Variants in ZNF544 observed in about 807,000 individuals in gnomAD.
ZNF544 encodes the protein zinc finger protein 544.
In ZNF544, 10 loss-of-function variants were observed where a neutral mutation model predicts 13.5. That is an observed-to-expected ratio of 0.74 (90% CI 0.46 to 1.25). The LOEUF (loss-of-function observed/expected upper bound fraction) is 1.25. Among genes scored for constraint, ZNF544 ranks in the 50% most tolerant of loss-of-function variants. The pLI, the probability that ZNF544 is intolerant of heterozygous loss-of-function variation, is 0.00. For synonymous variants in ZNF544, 323 were observed against 300.5 expected (o/e 1.07, Z -0.77); for missense variants, 896 against 845.6 (o/e 1.06, Z -0.74).
intron 6 of ZNF544, chr19:58,247,255 CTTTTGTTTTTGT>C (rs112408821): frequency 6.5e-6 from 1 of 152,940 alleles, no homozygotes; most frequent in African/African-American, 2.4e-5. Flanking sequence ...CTGGCTAATT[CTTTTGTTTTTGT>C]TTTTGTTTTT....
intron 5 of ZNF544, among the ~76,000 whole-genome samples, chr19:58,275,332 C>A (rs1400540774): frequency 6.6e-6 from 1 of 152,058 alleles, no homozygotes; most frequent in Non-Finnish European, 1.5e-5. Flanking sequence ...CATCCGGTGA[C>A]CTTCCTGAGC....
chr19:58,253,039 C>T (rs951907866), intron 6 of ZNF544, among the ~76,000 whole-genome samples: 30 of 152,284 alleles, frequency 2.0e-4, no homozygotes, highest in African/African-American at 6.3e-4. Flanking sequence ...AGGATGGGCT[C>T]GATTTCCTGA....
Position 58,261,614 on chromosome 19 carries a change from C to T in ZNF544, c.1008C>T (p.Pro336=). The change falls in exon 7 of 7, where the codon CCC becomes CCT. Residue 336 remains proline (P), a synonymous_variant. Coordinates refer to ENST00000687789, the MANE Select transcript of ZNF544 (RefSeq NM_014480.4). ...FRCEERCAAF[P]MASSFSDCNI... is the part of the protein sequence containing the mutation. ...GTGAGGAACGCTGTGCTGCCTTCCC[C>T]ATGGCCTCATCTTTTTCTGACTGTA... 1 of 1,614,228 alleles carries T rather than the reference C, an allele frequency of 6.2e-7. No homozygotes were observed. Among genetic ancestry groups the T allele is most frequent in the Non-Finnish European group, 8.5e-7 (1 of 1,180,046 alleles).
At chr19:58,256,076 G>C (rs2047272084) in intron 6 of ZNF544, among the ~76,000 whole-genome samples, 1 of 152,204 alleles carries the variant, frequency 6.6e-6, no homozygotes, top group South Asian at 2.1e-4. Context: ...ACTTACAGTT[G>C]CTTGCATGCT....
At chr19:58,231,944 G>A (rs1039149758) in intron 3 of ZNF544, 4 of 151,928 alleles carry the variant, frequency 2.6e-5, no homozygotes, top group Admixed American at 2.0e-4. Flanking sequence ...GGGTTCAAGC[G>A]ATTCTTGTGC....
intron 4 of ZNF544, among the ~76,000 whole-genome samples, chr19:58,245,511 A>T (rs1036230405): frequency 2.6e-5 from 4 of 151,536 alleles, no homozygotes; most frequent in Middle Eastern, 3.5e-3. Context: ...CATGTTGGCC[A>T]GGCTGGTCTC....
Position 58,276,417 on chromosome 19 carries a change from GC to G in ZNF544, c.341del (p.Pro114HisfsTer55). On this transcript the variant is annotated frameshift_variant, in exon 6 of 7. Coordinates refer to the ZNF544 transcript ENST00000595981. LOFTEE classifies it high-confidence loss of function. ...GCCTGATCCAGTTCCCACAGCAGCTGCCACTTGCTCAGGTGAGTGAAGACAT... is the reference window on the plus strand; with the variant it reads ...GCCTGATCCAGTTCCCACAGCAGCTGCACTTGCTCAGGTGAGTGAAGACAT... 2 of 1,231,268 alleles carry G rather than the reference GC, an allele frequency of 1.6e-6. No homozygotes were observed. 76.3% of individuals were successfully genotyped at this position (1,231,268 alleles called of 1,614,324 possible). A position where few individuals can be genotyped will look rare whatever the true frequency, so the allele number is the denominator to read the frequency against.
At chr19:58,242,736 T>C (rs4801574) in intron 3 of ZNF544, among the ~76,000 whole-genome samples, 11,573 of 152,162 alleles carry the variant, frequency 0.076, 921 homozygotes, top group African/African-American at 0.19. Context: ...CTTACCCTGT[T>C]GCCCAGGCTG....
downstream of ZNF544, among the ~76,000 whole-genome samples, chr19:58,264,761 T>G (rs1458034371): frequency 6.6e-6 from 1 of 152,152 alleles, no homozygotes; most frequent in Non-Finnish European, 1.5e-5. Flanking sequence ...CCCAGCACTT[T>G]GGGAGACCGA....
chr19:58,268,733 C>A (rs552270895), downstream of ZNF544, among the ~76,000 whole-genome samples: 1 of 152,230 alleles, frequency 6.6e-6, no homozygotes, highest in Non-Finnish European at 1.5e-5. Flanking sequence ...GAGGAAGTTG[C>A]TTATGCCAGA....
chr19:58,246,966 C>T (rs938330355), intron 6 of ZNF544, 172 bp downstream of exon 6: 35 of 569,634 alleles, frequency 6.1e-5, no homozygotes, highest in Non-Finnish European at 9.0e-5. Context: ...GTATGCAGTT[C>T]ATGGCTTCCA....
rs373433724 is a variant in ZNF544 at position 58,246,309 on chromosome 19, G to C, written c.42G>C (p.Val14=). 6.2e-7 allele frequency: 1 copy of C among 1,613,998 alleles called. No individual in the cohort carries two copies. Among genetic ancestry groups the C allele is most frequent in the African/African-American group, 1.3e-5 (1 of 74,928 alleles). The part of the protein sequence containing the change: ...RSMLVPPQAS[V]CFEDVAMAFT... The stretch of plus-strand genomic sequence containing the variant: ...CAAGTGCCCTGTTTCAGGCATCTGT[G>C]TGCTTCGAGGATGTGGCTATGGCAT... The change falls in exon 5 of 7, where the codon GTG becomes GTC. Residue 14 remains valine (V), a synonymous_variant. Transcript: ENST00000687789.
intron 6 of ZNF544, among the ~76,000 whole-genome samples, chr19:58,255,696 T>G (rs2047154798): frequency 6.6e-6 from 1 of 152,232 alleles, no homozygotes; most frequent in Admixed American, 6.5e-5. Context: ...TTAAGGAGAA[T>G]TTTGCATAAG....
chr19:58,254,647 C>T (rs138756222), intron 6 of ZNF544, among the ~76,000 whole-genome samples: 16 of 152,232 alleles, frequency 1.1e-4, no homozygotes, highest in East Asian at 1.9e-4. Flanking sequence ...CCTCCAGTGG[C>T]GATGGTCTAC....
In ZNF544 at chr19:58,271,306, G is replaced by T. The variant is rs1600431985; in HGVS notation, c.245-5017G>T. On this transcript the variant is annotated intron_variant, in intron 5 of 6. Coordinates refer to the ZNF544 transcript ENST00000595981. ...ATTGGAACAGATATGGTTAAAAGTG[G>T]CTGGAGGTGGGTGCAGTGGATATGG... Among the ~76,000 whole-genome samples, 3 of 151,896 alleles carry T rather than the reference G, an allele frequency of 2.0e-5. No homozygotes were observed. The South Asian group carries it at 6.2e-4, about 32-fold the overall frequency.
chr19:58,272,349 GC>G (rs2050735481), intron 5 of ZNF544, among the ~76,000 whole-genome samples: 1 of 151,996 alleles, frequency 6.6e-6, no homozygotes, highest in Non-Finnish European at 1.5e-5. Context: ...ATCAACTGAG[GC>G]CGTGAGTTTG....
intron 5 of ZNF544, among the ~76,000 whole-genome samples, chr19:58,269,137 C>T (rs392644): frequency 0.52 from 79,171 of 151,986 alleles, 20,953 homozygotes; most frequent in Middle Eastern, 0.64. Flanking sequence ...AACACCACGA[C>T]TAAAAACAGA....
In ZNF544 at chr19:58,229,486, C is replaced by G. The variant is rs2040740345; in HGVS notation, c.-213C>G. 1 of 152,296 alleles carries G rather than the reference C, an allele frequency of 6.6e-6. No individual in the cohort carries two copies. The highest frequency in any genetic ancestry group is 6.5e-5 in the Admixed American group (1 of 15,292). 9.4% of individuals were successfully genotyped at this position (152,296 alleles called of 1,614,324 possible). ...TCCACAGGTGGCAGCCAAGAGCCTC[C>G]TGGCACAGCGGCACCAGGCAGGTGA... On this transcript the variant is annotated 5_prime_UTR_variant, in exon 2 of 7. Transcript: ENST00000687789.
chr19:58,259,452 C>A (rs931415469), intron 6 of ZNF544: 1 of 152,214 alleles, frequency 6.6e-6, no homozygotes, highest in African/African-American at 2.4e-5. Flanking sequence ...AACCTGTTGG[C>A]TTAAAACAAT....
Sources: allele counts gnomAD v4.1 joint callset (sites outside exome capture counted in the v4.1 genomes callset), GRCh38; gene constraint gnomAD v4.1.1; transcripts MANE v1.5; gene names NCBI Gene and HGNC (gene_info 2026-07-23, HGNC 2026-07-21).